Variants in SVOPL observed in about 807,000 individuals in gnomAD.
SVOPL encodes the protein putative transporter SVOPL.
A neutral mutation model predicts 61.0 loss-of-function variants in SVOPL; 60 were observed. That is an observed-to-expected ratio of 0.98 (90% CI 0.80 to 1.22). The LOEUF is 1.22. SVOPL is among the 50% of genes most tolerant of loss of function. The pLI is 0.00. For synonymous variants in SVOPL, 279 were observed against 250.0 expected (o/e 1.12, Z -1.09); for missense variants, 662 against 643.9 (o/e 1.03, Z -0.30).
At chr7:138,624,582 T>C (rs781089893) in intron 13 of SVOPL, among the ~76,000 whole-genome samples, 2 of 152,124 alleles carry the variant, frequency 1.3e-5, no homozygotes, top group Non-Finnish European at 2.9e-5. Flanking sequence ...AAACAAAAAG[T>C]CATCTTGATA....
chr7:138,664,436 G>A (rs1336474151), intron 4 of SVOPL, among the ~76,000 whole-genome samples: 1 of 130,676 alleles, frequency 7.7e-6, no homozygotes, highest in Non-Finnish European at 1.6e-5. Context: ...CTGGCACCCC[G>A]TATCCTCCAG....
intron 5 of SVOPL, chr7:138,662,702 A>ACT: frequency 9.5e-7 from 1 of 1,053,914 alleles, no homozygotes; most frequent in Non-Finnish European, 1.1e-6. Flanking sequence ...CCACCACAGT[A>ACT]AACTGGACGT....
chr7:138,627,276 A>G (rs894796801), intron 12 of SVOPL, 74 bp downstream of exon 12: 3 of 1,130,908 alleles, frequency 2.7e-6, no homozygotes, highest in Non-Finnish European at 3.9e-6. Flanking sequence ...CCCTGAAACT[A>G]CTGAACACCA....
rs187217687 is a variant in SVOPL, at chr7:138,653,911, C to T, written c.534+2537G>A. 4.3e-4 allele frequency among the ~76,000 whole-genome samples: 61 copies of T among 142,296 alleles called. No homozygotes were observed. The East Asian group carries it at 5.0e-3, about 12-fold the overall frequency. 93.4% of individuals were successfully genotyped at this position (142,296 alleles called of 152,430 possible). On this transcript the variant is annotated intron_variant, in intron 7 of 15. Coordinates refer to ENST00000674285, the MANE Select transcript of SVOPL (RefSeq NM_001139456.2). ...TCATGCCACCACACTCCAGCCTGGA[C>T]GACAGAGCAAGACTCTGTCTCAAAA...
chr7:138,641,242 A>C (rs1313966622), intron 9 of SVOPL, among the ~76,000 whole-genome samples: 8 of 151,310 alleles, frequency 5.3e-5, no homozygotes, highest in East Asian at 3.9e-4. Flanking sequence ...AAAAAAAAAA[A>C]AAACTTAAAT....
chr7:138,600,560 C>T (rs1798471649), intron 14 of SVOPL, among the ~76,000 whole-genome samples: 1 of 151,562 alleles, frequency 6.6e-6, no homozygotes, highest in South Asian at 2.1e-4. Flanking sequence ...CATGATTGTG[C>T]CATTGCATTC....
intron 9 of SVOPL, among the ~76,000 whole-genome samples, chr7:138,643,056 T>C (rs994763543): frequency 1.3e-5 from 2 of 152,054 alleles, no homozygotes; most frequent in African/African-American, 4.8e-5. Flanking sequence ...AGTATGGTGA[T>C]TCCTCAAAAA....
In SVOPL at chr7:138,665,642, C is replaced by A. The variant is rs534689622; in HGVS notation, c.274-2497G>T. Among the ~76,000 whole-genome samples, 19 of 152,238 alleles carry A rather than the reference C, an allele frequency of 1.2e-4. No individual in the cohort carries two copies. The South Asian group carries it at 3.7e-3, about 30-fold the overall frequency. ...TCATGTACTATAAAAAACGGTATCA[C>A]GTAATACAATTTTGTAGTGCAGGTG... On this transcript the variant is annotated intron_variant, in intron 4 of 15. Transcript: ENST00000674285.
intron 14 of SVOPL, chr7:138,597,101 T>A (rs1421433103): frequency 7.9e-7 from 1 of 1,258,698 alleles, no homozygotes; most frequent in Non-Finnish European, 1.0e-6. Flanking sequence ...TCTGTACACA[T>A]GCTTTGGCCT....
chr7:138,606,084 G>A (rs544408583), intron 14 of SVOPL, among the ~76,000 whole-genome samples: 1 of 151,662 alleles, frequency 6.6e-6, no homozygotes, highest in Non-Finnish European at 1.5e-5. Context: ...GAGTTACTAC[G>A]GTAGGAGCCG....
At chr7:138,675,502 T>C (rs7809600) in intron 3 of SVOPL, among the ~76,000 whole-genome samples, 75,766 of 151,782 alleles carry the variant, frequency 0.5, 19,644 homozygotes, top group African/African-American at 0.63. Flanking sequence ...TGCAGGCATG[T>C]GCCACCATAC....
Position 138,615,526 on chromosome 7 carries a change from ATCCT to A in SVOPL, c.1353+5516_1353+5519del, listed in dbSNP as rs71775697. On this transcript the variant is annotated intron_variant, in intron 14 of 15. Coordinates refer to ENST00000674285, the MANE Select transcript of SVOPL (RefSeq NM_001139456.2). ...AGCCAAGATCGTGCCACTGCACTCCATCCTGCCTGGGTGACAGAGCGAGACTCCG... is the reference window on the plus strand; with the variant it reads ...AGCCAAGATCGTGCCACTGCACTCCAGCCTGGGTGACAGAGCGAGACTCCG... Among the ~76,000 whole-genome samples, 1,382 of 32,288 alleles carry A rather than the reference ATCCT, an allele frequency of 0.043. 19 individuals carry two copies. The East Asian group carries it at 1, about 23-fold the overall frequency. The allele number at this position is 32,288 out of a possible 152,430, so 21.2% of individuals were successfully genotyped here.
chr7:138,627,524 C>T, intron 11 of SVOPL, 63 bp from the exon 12 acceptor site: 1 of 1,213,298 alleles, frequency 8.2e-7, no homozygotes, highest in Non-Finnish European at 1.2e-6. Flanking sequence ...TATTGCAACA[C>T]TGGCATGGAT....
In SVOPL at chr7:138,659,997, A is replaced by G. The variant is rs1801933084; in HGVS notation, c.346-9T>C. On this transcript the variant is annotated splice_polypyrimidine_tract_variant and intron_variant, in intron 5 of 15. Transcript: ENST00000674285. The stretch of plus-strand genomic sequence containing the variant: ...AACGAGATGAGCAGAATCTGAAGCA[A>G]CAGCAGAACACATGAATGGGACCTG... 1.9e-6 allele frequency: 3 copies of G among 1,551,446 alleles called. No individual in the cohort carries two copies. The African/African-American group carries it at 4.1e-5, about 21-fold the overall frequency.
In SVOPL at chr7:138,622,270, G is replaced by GTATCTATCTATC. The variant is rs1224085695; in HGVS notation, c.1264-1147_1264-1136dup. Reference sequence around the variant, plus strand: ...TCTATCTATGTATCTATCTATCTATGTATCTATCTATCTATCTATCTATCT... The same window carrying GTATCTATCTATC: ...TCTATCTATGTATCTATCTATCTATGTATCTATCTATCTATCTATCTATCTATCTATCTATCT... On this transcript the variant is annotated intron_variant, in intron 13 of 15. Coordinates refer to ENST00000674285, the MANE Select transcript of SVOPL (RefSeq NM_001139456.2). Among the ~76,000 whole-genome samples, 97 of 83,774 alleles carry GTATCTATCTATC rather than the reference G, an allele frequency of 1.2e-3. 2 individuals are homozygous for GTATCTATCTATC. Among genetic ancestry groups the GTATCTATCTATC allele is most frequent in the Admixed American group, 1.6e-3 (13 of 8,092 alleles). The allele number at this position is 83,774 out of a possible 152,430, so 55.0% of individuals were successfully genotyped here. A position where few individuals can be genotyped will look rare whatever the true frequency, so the allele number is the denominator to read the frequency against.
At chr7:138,684,918 T>G (rs988946470) in intron 1 of SVOPL, among the ~76,000 whole-genome samples, 1 of 147,192 alleles carries the variant, frequency 6.8e-6, no homozygotes, top group African/African-American at 2.5e-5. Flanking sequence ...TACAAGGGAA[T>G]TTTTCTTTTT....
intron 13 of SVOPL, among the ~76,000 whole-genome samples, chr7:138,623,345 A>G (rs1175558827): frequency 2.0e-5 from 3 of 152,216 alleles, no homozygotes; most frequent in Admixed American, 6.5e-5. Context: ...TCACGCCTGT[A>G]ATCCGAGCAC....
chr7:138,601,712 T>C (rs1021665316), intron 14 of SVOPL, among the ~76,000 whole-genome samples: 14 of 151,704 alleles, frequency 9.2e-5, no homozygotes, highest in Admixed American at 2.0e-4. Context: ...TTTGATAAGA[T>C]TGGTCATCCA....
In SVOPL at chr7:138,632,310, T is replaced by C. The variant is rs539859184; in HGVS notation, c.790-2188A>G. On this transcript the variant is annotated intron_variant, in intron 9 of 15. Transcript: ENST00000674285. ...TTAGCCAGGCGTGATGGCACGCACC[T>C]GTAATCCCAGCTGCTCTGGAGGCTG... is the stretch of plus-strand genomic sequence containing the variant. 4.6e-5 allele frequency among the ~76,000 whole-genome samples: 7 copies of C among 152,314 alleles called. No homozygotes were observed. The South Asian group carries it at 6.2e-4, about 14-fold the overall frequency.
Sources: allele counts gnomAD v4.1 joint callset (sites outside exome capture counted in the v4.1 genomes callset), GRCh38; gene constraint gnomAD v4.1.1; transcripts MANE v1.5; gene names NCBI Gene and HGNC (gene_info 2026-07-23, HGNC 2026-07-21).